DPYSL3: variants seen among roughly 807,000 people sequenced by gnomAD.
The protein encoded by DPYSL3 is dihydropyrimidinase like 3.
A neutral mutation model predicts 66.1 loss-of-function variants in DPYSL3; 16 were observed. The observed-to-expected ratio is 0.24, with a 90% confidence interval of 0.16 to 0.37. The LOEUF is 0.37. Among genes scored for constraint, DPYSL3 ranks in the 10% least tolerant of loss-of-function variants. The probability of loss-of-function intolerance (pLI) is 1.00; values close to 1 mark genes in which losing one functional copy is unlikely to be tolerated. For synonymous variants in DPYSL3, 338 were observed against 345.1 expected (o/e 0.98, Z 0.23); for missense variants, 738 against 916.2 (o/e 0.81, Z 2.51).
At chr5:147,444,790 G>C (rs1472985590) in intron 1 of DPYSL3, among the ~76,000 whole-genome samples, 2 of 152,146 alleles carry the variant, frequency 1.3e-5, no homozygotes, top group East Asian at 3.8e-4. Flanking sequence ...AAGCTGACAG[G>C]TGCAGTGGGG....
intron 5 of DPYSL3, 42 bp downstream of exon 5, chr5:147,413,554 C>T: frequency 1.3e-6 from 2 of 1,515,924 alleles, no homozygotes; most frequent in Non-Finnish European, 1.8e-6. Flanking sequence ...CAATAGGAAA[C>T]CCATCCAGAT....
rs1424286847 is a variant in DPYSL3, at chr5:147,457,263, C to A, written c.382-32300G>T. ...GCTTTATCTTCATAATACTTTTTACCACATGACATATTAATTTATTATTGA... is the reference window on the plus strand; with the variant it reads ...GCTTTATCTTCATAATACTTTTTACAACATGACATATTAATTTATTATTGA... On this transcript the variant is annotated intron_variant, in intron 1 of 13. Coordinates refer to ENST00000343218, the MANE Select transcript of DPYSL3 (RefSeq NM_001197294.2). Among the ~76,000 whole-genome samples, 3 of 152,194 alleles carry A rather than the reference C, an allele frequency of 2.0e-5. No individual in the cohort carries two copies. The South Asian group carries it at 6.2e-4, about 32-fold the overall frequency.
Position 147,390,836 on chromosome 5 carries a change from C to G in DPYSL3, c.*3199G>C, listed in dbSNP as rs908673517. The G allele has an allele frequency of 1.3e-5, 2 of 152,522 alleles. No individual in the cohort carries two copies. The highest frequency in any genetic ancestry group is 4.8e-5 in the African/African-American group (2 of 41,382). The allele number at this position is 152,522 out of a possible 1,614,324, so 9.4% of individuals were successfully genotyped here. A position where few individuals can be genotyped will look rare whatever the true frequency, so the allele number is the denominator to read the frequency against. On this transcript the variant is annotated 3_prime_UTR_variant, in exon 14 of 14. Coordinates refer to ENST00000343218, the MANE Select transcript of DPYSL3 (RefSeq NM_001197294.2). ...GTAATTTCATAGTTATTTTAATAAC[C>G]AGGTTTACATTAACAGTCACGTGAT...
At chr5:147,490,955 T>C (rs1471160654) in intron 1 of DPYSL3, among the ~76,000 whole-genome samples, 2 of 152,146 alleles carry the variant, frequency 1.3e-5, no homozygotes, top group Non-Finnish European at 2.9e-5. Flanking sequence ...TGGAGAAAAA[T>C]TCCCTCCTGC....
chr5:147,406,062 C>T (rs2152019022), intron 7 of DPYSL3: 1 of 182,046 alleles, frequency 5.5e-6, no homozygotes, highest in African/African-American at 2.3e-5. Flanking sequence ...CTTTGCTCCT[C>T]AATCTTCTCA....
chr5:147,508,259 T>G (rs1331701872), intron 1 of DPYSL3, among the ~76,000 whole-genome samples: 1 of 152,140 alleles, frequency 6.6e-6, no homozygotes, highest in African/African-American at 2.4e-5. Flanking sequence ...TAGTCAAAGG[T>G]TGGTTGGTTG....
chr5:147,399,087 G>A lies in DPYSL3; in HGVS notation c.1618C>T (p.Gln540Ter). The change falls in exon 11 of 14, where the codon CAG (glutamine) becomes TAG (stop). Residue 540 changes from glutamine (Q) to a stop codon, truncating the protein, a stop_gained. Transcript: ENST00000343218. LOFTEE classifies it high-confidence loss of function. ...CCCACCAGAGCGGGCCTTACAGACT[G>A]GTGGTTCTTGGCAGAGACGATCTTC... ...AVKIVSAKNH[Q>*]SAAEYNIFEG... 6.2e-7 allele frequency: 1 copy of A among 1,614,014 alleles called. No individual in the cohort carries two copies. The highest frequency in any genetic ancestry group is 8.5e-7 in the Non-Finnish European group (1 of 1,180,010).
At position 147,486,763 on chromosome 5, in the gene DPYSL3, C is replaced by G. The variant is rs1290269939; in HGVS notation, c.381+22715G>C. ...GAGTCAAAGAGTAAATGGAGAGCCACTGACTATCAGTGAATACTTCAAGTG... is the reference window on the plus strand; with the variant it reads ...GAGTCAAAGAGTAAATGGAGAGCCAGTGACTATCAGTGAATACTTCAAGTG... On this transcript the variant is annotated intron_variant, in intron 1 of 13. Coordinates refer to ENST00000343218, the MANE Select transcript of DPYSL3 (RefSeq NM_001197294.2). Among the ~76,000 whole-genome samples the G allele has an allele frequency of 2.0e-5, 3 of 152,336 alleles. No individual in the cohort carries two copies. The East Asian group carries it at 5.8e-4, about 29-fold the overall frequency.
In DPYSL3 at chr5:147,412,875, C is replaced by G. The variant is rs945162699; in HGVS notation, c.883-187G>C. Among the ~76,000 whole-genome samples, 3 of 152,158 alleles carry G rather than the reference C, an allele frequency of 2.0e-5. No homozygotes were observed. In the East Asian group the frequency reaches 5.8e-4, roughly 29 times the overall value. On this transcript the variant is annotated intron_variant, in intron 5 of 13. Transcript: ENST00000343218. ...TAGTCCAAAGAAATCCCAGGAAACT[C>G]TGACTATATAAAGAACCTACCATGT...
At chr5:147,394,519 T>C (rs1431236824) in intron 13 of DPYSL3, among the ~76,000 whole-genome samples, 1 of 152,074 alleles carries the variant, frequency 6.6e-6, no homozygotes. Flanking sequence ...ATAACTGAGG[T>C]TCTGAAAGGT....
At chr5:147,504,108 C>A (rs1753652324) in intron 1 of DPYSL3, among the ~76,000 whole-genome samples, 1 of 152,198 alleles carries the variant, frequency 6.6e-6, no homozygotes. Context: ...GCTTTACTCC[C>A]TGTCTCATAG....
At chr5:147,395,749 T>A in intron 12 of DPYSL3, 28 bp from the exon 13 acceptor site, 1 of 1,611,150 alleles carries the variant, frequency 6.2e-7, no homozygotes. Context: ...CATGTCACCA[T>A]TCATTCATTC....
chr5:147,468,231 C>T (rs911629125), intron 1 of DPYSL3, among the ~76,000 whole-genome samples: 4 of 152,178 alleles, frequency 2.6e-5, no homozygotes, highest in African/African-American at 9.7e-5. Flanking sequence ...ATATCTTTGA[C>T]TCACTCAGCC....
At chr5:147,436,239 G>A (rs1340319843) in intron 1 of DPYSL3, among the ~76,000 whole-genome samples, 5 of 152,172 alleles carry the variant, frequency 3.3e-5, no homozygotes, top group African/African-American at 1.2e-4. Context: ...ACCCAGCCCA[G>A]GCCCTGAATA....
In DPYSL3 at chr5:147,399,154, C is replaced by T. The variant is rs35381274; in HGVS notation, c.1551G>A (p.Val517=). 1.9e-6 allele frequency: 3 copies of T among 1,614,090 alleles called. No individual in the cohort carries two copies. The highest frequency in any genetic ancestry group is 8.5e-7 in the Non-Finnish European group (1 of 1,180,056). Residue 517 remains valine, a synonymous_variant, in exon 11 of 14, where the codon GTG becomes GTA. Transcript: ENST00000343218. ...AGATGACGAGGTCGCTGTCAGAACC[C>T]ACAGATATTCTTCCCTTGCGGGGAT... The part of the protein sequence containing the change: ...NLYPRKGRIS[V]GSDSDLVIWD...
intron 11 of DPYSL3, 67 bp from the exon 12 acceptor site, chr5:147,397,912 T>C: frequency 7.0e-7 from 1 of 1,434,132 alleles, no homozygotes; most frequent in African/African-American, 1.4e-5. Flanking sequence ...CTTCTCTCCT[T>C]GAGACCTTCA....
At chr5:147,464,340 G>T (rs943817126) in intron 1 of DPYSL3, among the ~76,000 whole-genome samples, 1 of 152,162 alleles carries the variant, frequency 6.6e-6, no homozygotes, top group African/African-American at 2.4e-5. Context: ...CGAAATACAC[G>T]CTTTCCACTT....
chr5:147,483,627 T>C (rs139116675), intron 1 of DPYSL3, among the ~76,000 whole-genome samples: 4 of 152,272 alleles, frequency 2.6e-5, no homozygotes, highest in African/African-American at 9.6e-5. Flanking sequence ...CCTGTGGCAG[T>C]GGTAAGGACA....
intron 10 of DPYSL3, 118 bp downstream of exon 10, chr5:147,400,574 C>G: frequency 7.4e-7 from 1 of 1,356,828 alleles, no homozygotes; most frequent in East Asian, 2.3e-5. Context: ...GACATCTCAG[C>G]AAGTACGAGA....
Sources: gnomAD v4.1 joint callset for allele counts (sites outside exome capture counted in the v4.1 genomes callset) on GRCh38, gnomAD v4.1.1 for gene constraint, MANE v1.5 for transcripts, NCBI Gene and HGNC (gene_info 2026-07-23, HGNC 2026-07-21) for gene names.